The following TGIF1 variants were observed in gnomAD, a reference collection of about 807,000 sequenced individuals.
TGIF1 encodes homeobox protein TGIF1.
Under a neutral mutation model 19.3 loss-of-function variants are expected in TGIF1, and 4 were observed. The observed-to-expected ratio is 0.21, with a 90% CI of 0.10 to 0.47. TGIF1 has a LOEUF of 0.47. TGIF1 is among the 20% of genes least tolerant of loss of function. The pLI is 0.98. For synonymous variants in TGIF1, 122 were observed against 129.3 expected (o/e 0.94, Z 0.38); for missense variants, 275 against 341.4 (o/e 0.81, Z 1.53).
Position 3,457,230 on chromosome 18 carries a change from T to C in TGIF1, c.244-135T>C. ...GAGCTCAGATACCTTGAAATAACAT[T>C]GTAAATTCAGATAAGGCTTTTCATG... On this transcript the variant is annotated intron_variant, in intron 2 of 2. Coordinates refer to ENST00000343820, the MANE Select transcript of TGIF1 (RefSeq NM_003244.4). The surrounding 1 kb of genome is among the most constrained non-coding windows in gnomAD (Gnocchi z 4.9). 1 of 1,008,674 alleles carries C rather than the reference T, an allele frequency of 9.9e-7. No individual in the cohort carries two copies. The highest frequency in any genetic ancestry group is 2.6e-5 in the East Asian group (1 of 38,370). The allele number at this position is 1,008,674 out of a possible 1,614,324, so 62.5% of individuals were successfully genotyped here.
chr18:3,457,939 A>G lies in TGIF1; in HGVS notation c.818A>G (p.Ter273=), dbSNP rs758022923. 1.3e-5 allele frequency: 21 copies of G among 1,600,074 alleles called. No individual in the cohort carries two copies. The South Asian group carries it at 2.3e-4, about 18-fold the overall frequency. Residue 273 remains the stop codon, a stop_retained_variant, in exon 3 of 3, where the codon TAA becomes TGA. Transcript: ENST00000343820. This position sits in a 1 kb window ranked among gnomAD's most constrained non-coding sequence, Gnocchi z 4.9. ...EMELQAKLTA[*] is the part of the protein sequence containing the mutation. ...GAGCTTCAGGCAAAACTTACAGCTT[A>G]ACCCATTTTCAAGCAAAACAGTTCT...
chr18:3,440,956 C>A (rs912181556), intron 2 of TGIF1, among the ~76,000 whole-genome samples: 1 of 152,184 alleles, frequency 6.6e-6, no homozygotes, highest in Non-Finnish European at 1.5e-5. Context: ...CTATACCTGG[C>A]TTTTAAATAA....
Position 3,452,004 on chromosome 18 carries a change from T to C in TGIF1, c.16+1499T>C, listed in dbSNP as rs148390122. 5.2e-4 allele frequency: 836 copies of C among 1,604,378 alleles called. 7 individuals carry two copies. In the African/African-American group the frequency reaches 6.7e-3, roughly 13 times the overall value. ...GATGGTTCTAGCGCAGAGCCGGGTG[T>C]CTGCCGGGGTGGGCTCCCCGCATTG... On this transcript the variant is annotated intron_variant, in intron 1 of 2. Transcript: ENST00000343820.
At chr18:3,449,045 C>T (rs961533625), upstream of TGIF1, among the ~76,000 whole-genome samples, 1 of 152,104 alleles carries the variant, frequency 6.6e-6, no homozygotes, top group Admixed American at 6.6e-5. Flanking sequence ...GACGTAACCA[C>T]GCGAAAACTA....
chr18:3,452,423 T>A (rs1290941027), intron 1 of TGIF1: 3 of 1,612,682 alleles, frequency 1.9e-6, no homozygotes, highest in Non-Finnish European at 2.5e-6. Flanking sequence ...GGTTCAGGGC[T>A]CTTTGGGGGA....
chr18:3,447,755 A>G, upstream of TGIF1: 7 of 1,614,182 alleles, frequency 4.3e-6, no homozygotes, highest in Non-Finnish European at 5.9e-6. Flanking sequence ...TTGCTCGGGC[A>G]AAAGTTGTGC....
At chr18:3,424,375 A>C (rs887249264) in intron 2 of TGIF1, among the ~76,000 whole-genome samples, 2 of 152,304 alleles carry the variant, frequency 1.3e-5, no homozygotes, top group Non-Finnish European at 1.5e-5. Flanking sequence ...TTTTACTGTA[A>C]TCCATGGGTG....
At chr18:3,445,415 T>G (rs1480371385), upstream of TGIF1, among the ~76,000 whole-genome samples, 1 of 152,020 alleles carries the variant, frequency 6.6e-6, no homozygotes, top group Non-Finnish European at 1.5e-5. Flanking sequence ...TTTTCAGAAC[T>G]TTTTTTGTAG....
intron 1 of TGIF1, among the ~76,000 whole-genome samples, chr18:3,450,895 C>T (rs1305381095): frequency 2.0e-5 from 3 of 152,020 alleles, no homozygotes; most frequent in Non-Finnish European, 4.4e-5. Flanking sequence ...CTCGTTTTTC[C>T]CGATCCGGAC....
chr18:3,448,717 C>CTT (rs869086299), upstream of TGIF1: 1,380 of 255,718 alleles, frequency 5.4e-3, 45 homozygotes, highest in African/African-American at 0.038. Flanking sequence ...GCGGGGGTGT[C>CTT]TTTTTTTTTT....
chr18:3,433,984 A>AAC (rs2143204190), intron 2 of TGIF1, among the ~76,000 whole-genome samples: 1 of 152,358 alleles, frequency 6.6e-6, no homozygotes, highest in African/African-American at 2.4e-5. Flanking sequence ...TCTTCCCCAG[A>AAC]ACTGATTACA....
chr18:3,453,759 T>C, intron 1 of TGIF1: 4 of 981,334 alleles, frequency 4.1e-6, no homozygotes, highest in Non-Finnish European at 4.8e-6. Context: ...CCTCAGGCCA[T>C]GTTGTGGCTT....
At chr18:3,443,649 T>C (rs2082702239) in intron 2 of TGIF1, among the ~76,000 whole-genome samples, 1 of 152,058 alleles carries the variant, frequency 6.6e-6, no homozygotes, top group South Asian at 2.1e-4. Flanking sequence ...CAATCTCGGC[T>C]CACTCCACCT....
chr18:3,451,186 A>G lies in TGIF1; in HGVS notation c.16+681A>G, dbSNP rs1598896422. Among the ~76,000 whole-genome samples the G allele has an allele frequency of 1.3e-5, 2 of 152,342 alleles. No individual in the cohort carries two copies. The highest frequency in any genetic ancestry group is 1.9e-4 in the East Asian group (1 of 5,182). On this transcript the variant is annotated intron_variant, in intron 1 of 2. Coordinates refer to ENST00000343820, the MANE Select transcript of TGIF1 (RefSeq NM_003244.4). The surrounding 1 kb of genome is among the most constrained non-coding windows in gnomAD (Gnocchi z 5.4). ...GGAGGAAGAGTTAGCACCCAGGGCC[A>G]GCAGCTTCAAGCGGCATGCAGTCAA...
At chr18:3,435,151 A>G (rs1418961936) in intron 2 of TGIF1, among the ~76,000 whole-genome samples, 1 of 152,306 alleles carries the variant, frequency 6.6e-6, no homozygotes, top group East Asian at 1.9e-4. Flanking sequence ...TCCATTTTCA[A>G]AGGCACAATT....
At chr18:3,422,774 T>C (rs1465805652) in intron 2 of TGIF1, among the ~76,000 whole-genome samples, 1 of 137,578 alleles carries the variant, frequency 7.3e-6, no homozygotes. Context: ...CACTGCAAGC[T>C]CCACCTCCTG....
upstream of TGIF1, among the ~76,000 whole-genome samples, chr18:3,446,441 C>T (rs1273139002): frequency 6.6e-6 from 1 of 152,186 alleles, no homozygotes; most frequent in Non-Finnish European, 1.5e-5. Context: ...ACCTCGGCCT[C>T]CCAAAGTGGT....
intron 2 of TGIF1, among the ~76,000 whole-genome samples, chr18:3,425,245 C>T (rs1598860847): frequency 6.6e-6 from 1 of 152,232 alleles, no homozygotes; most frequent in South Asian, 2.1e-4. Context: ...TGCTTCTATC[C>T]TCACAGACTG....
chr18:3,446,420 G>T (rs2082747771), upstream of TGIF1, among the ~76,000 whole-genome samples: 2 of 152,108 alleles, frequency 1.3e-5, no homozygotes, highest in Admixed American at 6.6e-5. Context: ...CTGACCTCAG[G>T]TGATCCACCC....
Sources: gnomAD v4.1 joint callset for allele counts (sites outside exome capture counted in the v4.1 genomes callset) on GRCh38, gnomAD v4.1.1 for gene constraint, Gnocchi (gnomAD v3.1) non-coding constraint, MANE v1.5 for transcripts, NCBI Gene and HGNC (gene_info 2026-07-23, HGNC 2026-07-21) for gene names.